Variants in NXPE2 observed in about 807,000 individuals in gnomAD.
NXPE2 encodes the protein neurexophilin and PC-esterase domain family member 2.
A neutral mutation model predicts 34.4 loss-of-function variants in NXPE2; 34 were observed. The observed-to-expected ratio is 0.99, with a 90% CI of 0.75 to 1.31. The LOEUF (loss-of-function observed/expected upper bound fraction) is 1.31, where lower values mean the gene tolerates loss of function less well. NXPE2 is among the 40% of genes most tolerant of loss of function. The probability of loss-of-function intolerance (pLI) is 0.00; values close to 1 mark genes in which losing one functional copy is unlikely to be tolerated. For synonymous variants in NXPE2, 235 were observed against 231.3 expected (o/e 1.02, Z -0.15); for missense variants, 649 against 672.5 (o/e 0.97, Z 0.39).
At chr11:114,699,376 T>C (rs975503276) in intron 3 of NXPE2, among the ~76,000 whole-genome samples, 2 of 152,240 alleles carry the variant, frequency 1.3e-5, no homozygotes, top group African/African-American at 4.8e-5. Context: ...ACTAATGTTT[T>C]TGAAATGCAG....
chr11:114,676,547 A>T (rs566384354), upstream of NXPE2, among the ~76,000 whole-genome samples: 114 of 152,170 alleles, frequency 7.5e-4, no homozygotes, highest in Non-Finnish European at 1.1e-3. Context: ...TGCAAATTAA[A>T]ACTACAATGA....
chr11:114,773,283 C>CT, the NXPE2 span, among the ~76,000 whole-genome samples: 5 of 82,212 alleles, frequency 6.1e-5, no homozygotes, highest in Non-Finnish European at 1.4e-4. Flanking sequence ...ACTCCCACCC[C>CT]CCCCCCACCC....
the NXPE2 span, among the ~76,000 whole-genome samples, chr11:114,729,277 CAT>C: frequency 1.3e-5 from 2 of 152,080 alleles, no homozygotes; most frequent in Admixed American, 6.6e-5. Context: ...CATAGTATTC[CAT>C]AGTGTATATG....
At chr11:114,570,204 T>C in the NXPE2 span, among the ~76,000 whole-genome samples, 2 of 152,092 alleles carry the variant, frequency 1.3e-5, no homozygotes, top group Non-Finnish European at 2.9e-5. Context: ...TTTAATAAAC[T>C]CTCCTGGACT....
the NXPE2 span, among the ~76,000 whole-genome samples, chr11:114,625,174 C>T: frequency 6.6e-6 from 1 of 152,074 alleles, no homozygotes; most frequent in Non-Finnish European, 1.5e-5. Context: ...ACCACTGTTA[C>T]CCAGTGGATA....
chr11:114,606,958 TAA>T, the NXPE2 span, among the ~76,000 whole-genome samples: 1 of 151,980 alleles, frequency 6.6e-6, no homozygotes, highest in Non-Finnish European at 1.5e-5. Flanking sequence ...CTGTGGATAA[TAA>T]GTGTTGCCTT....
At chr11:114,605,113 G>C in the NXPE2 span, among the ~76,000 whole-genome samples, 1 of 151,536 alleles carries the variant, frequency 6.6e-6, no homozygotes, top group African/African-American at 2.4e-5. Context: ...CTGTTACCCT[G>C]TGGAAGATAA....
At chr11:114,470,938 C>T in the NXPE2 span, among the ~76,000 whole-genome samples, 18 of 152,188 alleles carry the variant, frequency 1.2e-4, no homozygotes, top group African/African-American at 2.6e-4. Flanking sequence ...GACCAAAAAC[C>T]GAGTACAATG....
the NXPE2 span, among the ~76,000 whole-genome samples, chr11:114,514,732 A>C: frequency 6.6e-6 from 1 of 152,210 alleles, no homozygotes. Context: ...ATATATTTAC[A>C]TAAAATACTT....
the NXPE2 span, among the ~76,000 whole-genome samples, chr11:114,620,527 G>A: frequency 3.3e-5 from 5 of 151,356 alleles, no homozygotes; most frequent in Non-Finnish European, 5.9e-5. Context: ...ACTTTAAGGC[G>A]GTAGATAATA....
At chr11:114,691,676 C>T (rs1439287904) in intron 2 of NXPE2, among the ~76,000 whole-genome samples, 2 of 152,206 alleles carry the variant, frequency 1.3e-5, no homozygotes, top group Non-Finnish European at 2.9e-5. Context: ...TGAGAGATGA[C>T]CTCCTCTCCA....
the NXPE2 span, chr11:114,522,109 G>T: frequency 6.2e-7 from 1 of 1,614,022 alleles, no homozygotes; most frequent in East Asian, 2.2e-5. Flanking sequence ...TATCCTTCAT[G>T]ATAAGATAGT....
At chr11:114,599,055 G>A in the NXPE2 span, among the ~76,000 whole-genome samples, 3 of 152,038 alleles carry the variant, frequency 2.0e-5, no homozygotes, top group Non-Finnish European at 4.4e-5. Flanking sequence ...ATAATTTCCA[G>A]TTTTACATCT....
chr11:114,726,054 G>T, the NXPE2 span, among the ~76,000 whole-genome samples: 4 of 147,690 alleles, frequency 2.7e-5, no homozygotes, highest in Non-Finnish European at 6.0e-5. Flanking sequence ...CAGTGTGAAT[G>T]CACTGACAAA....
At chr11:114,770,095 A>ATGT in the NXPE2 span, among the ~76,000 whole-genome samples, 1 of 152,246 alleles carries the variant, frequency 6.6e-6, no homozygotes. Context: ...ACTGAGTAGC[A>ATGT]TGTTTTCAGC....
chr11:114,675,022 C>T (rs1054530319), upstream of NXPE2, among the ~76,000 whole-genome samples: 1 of 150,684 alleles, frequency 6.6e-6, no homozygotes, highest in African/African-American at 2.5e-5. Flanking sequence ...ACATGTAATC[C>T]ATCATATTAA....
At chr11:114,589,905 T>G in the NXPE2 span, among the ~76,000 whole-genome samples, 1 of 152,200 alleles carries the variant, frequency 6.6e-6, no homozygotes, top group African/African-American at 2.4e-5. Context: ...TCTCAATCCA[T>G]CTGGTAGTAC....
At chr11:114,787,735 C>T in the NXPE2 span, among the ~76,000 whole-genome samples, 1 of 152,062 alleles carries the variant, frequency 6.6e-6, no homozygotes, top group Admixed American at 6.5e-5. Flanking sequence ...CTATCCACCC[C>T]TCTGAATCCT....
the NXPE2 span, among the ~76,000 whole-genome samples, chr11:114,534,535 GA>G: frequency 3.9e-5 from 6 of 151,902 alleles, no homozygotes; most frequent in East Asian, 1.9e-4. Flanking sequence ...TAAAAACTTT[GA>G]AAAAAAATTA....
Sources: gnomAD v4.1 joint callset for allele counts (sites outside exome capture counted in the v4.1 genomes callset) on GRCh38, gnomAD v4.1.1 for gene constraint, MANE v1.5 for transcripts, NCBI Gene and HGNC (gene_info 2026-07-23, HGNC 2026-07-21) for gene names.